PSMD1: variants seen among roughly 807,000 people sequenced by gnomAD.
The protein encoded by PSMD1 is 26S proteasome non-ATPase regulatory subunit 1.
A neutral mutation model predicts 119.0 loss-of-function variants in PSMD1; 18 were observed. The ratio of observed to expected loss-of-function variants is 0.15; its 90% confidence interval spans 0.10 to 0.22. The LOEUF (loss-of-function observed/expected upper bound fraction) is 0.22, where lower values mean the gene tolerates loss of function less well. Ranked by LOEUF, PSMD1 falls within the 10% of genes least tolerant of loss-of-function variation. The probability of loss-of-function intolerance (pLI) is 1.00; values close to 1 mark genes in which losing one functional copy is unlikely to be tolerated. For synonymous variants in PSMD1, 374 were observed against 396.6 expected (o/e 0.94, Z 0.68); for missense variants, 702 against 1,158.5 (o/e 0.61, Z 5.72).
At chr2:231,084,983 A>G (rs1466287609) in intron 14 of PSMD1, 36 bp from the exon 15 acceptor site, 1 of 1,542,916 alleles carries the variant, frequency 6.5e-7, no homozygotes, top group African/African-American at 1.4e-5. Context: ...ACTGTTTGAA[A>G]TAAGTTGATG....
intron 16 of PSMD1, chr2:231,114,016 C>A: frequency 9.5e-7 from 1 of 1,047,876 alleles, no homozygotes; most frequent in South Asian, 1.3e-5. Flanking sequence ...CATCTTTTGT[C>A]TTTTTTGTTA....
chr2:231,078,798 T>TC, intron 10 of PSMD1, 51 bp downstream of exon 10: 2 of 1,313,588 alleles, frequency 1.5e-6, no homozygotes, highest in Non-Finnish European at 2.1e-6. Flanking sequence ...TTTCTTTTTT[T>TC]TTTTTTTTTT....
intron 10 of PSMD1, 83 bp from the exon 11 acceptor site, chr2:231,079,453 A>G: frequency 1.1e-6 from 1 of 875,324 alleles, no homozygotes; most frequent in Non-Finnish European, 1.7e-6. Flanking sequence ...GTAAAATTTT[A>G]ATGCTTTTAA....
chr2:231,139,336 T>TC (rs1696049054), intron 17 of PSMD1, among the ~76,000 whole-genome samples: 1 of 134,694 alleles, frequency 7.4e-6, no homozygotes, highest in African/African-American at 2.9e-5. Flanking sequence ...TTTTTTTTTT[T>TC]TCTTTTGAGT....
chr2:231,100,181 C>T (rs1354694177), intron 16 of PSMD1, among the ~76,000 whole-genome samples: 1 of 152,082 alleles, frequency 6.6e-6, no homozygotes, highest in African/African-American at 2.4e-5. Flanking sequence ...TATAAAGTTT[C>T]GATGCTACAA....
chr2:231,146,156 C>A, intron 17 of PSMD1, 84 bp from the exon 18 acceptor site: 1 of 890,970 alleles, frequency 1.1e-6, no homozygotes, highest in Non-Finnish European at 1.9e-6. Context: ...CCCAGAATGT[C>A]GTTACATGGC....
chr2:231,123,474 C>G (rs750428024), intron 16 of PSMD1: 1 of 1,614,054 alleles, frequency 6.2e-7, no homozygotes. Context: ...AATCAGCCAC[C>G]GCCAAGGACA....
Position 231,093,719 on chromosome 2 carries a change from A to G in PSMD1, c.1883+6538A>G, listed in dbSNP as rs113352782. On this transcript the variant is annotated intron_variant, in intron 16 of 24. Transcript: ENST00000308696. ...TCTAAATTTTAAAAATTAAGGGTAA[A>G]TAAGGCTTGTGCCAGTAGTGTTGCC... 2.7e-3 allele frequency among the ~76,000 whole-genome samples: 416 copies of G among 152,330 alleles called. 1 individual carries two copies. Among genetic ancestry groups the G allele is most frequent in the African/African-American group, 9.5e-3 (397 of 41,580 alleles).
At chr2:231,090,724 C>T (rs1292104689) in intron 16 of PSMD1, among the ~76,000 whole-genome samples, 2 of 152,266 alleles carry the variant, frequency 1.3e-5, no homozygotes, top group East Asian at 3.9e-4. Flanking sequence ...ACATTAGCAG[C>T]AGTCTAGAAG....
rs1200246738 is a variant in PSMD1, at chr2:231,138,589, CTA to C, written c.1884-145_1884-144del. On this transcript the variant is annotated intron_variant, in intron 16 of 24. Coordinates refer to ENST00000308696, the MANE Select transcript of PSMD1 (RefSeq NM_002807.4). Reference sequence around the variant, plus strand: ...ATTTCTTCTATCAATAATTAGAACTCTATGAAAGATTTTTAATTCTGCAATTT... The same window carrying C: ...ATTTCTTCTATCAATAATTAGAACTCTGAAAGATTTTTAATTCTGCAATTT... The C allele has an allele frequency of 3.5e-5, 21 of 606,776 alleles. No individual in the cohort carries two copies. In the East Asian group the frequency reaches 3.7e-4, roughly 11 times the overall value. The allele number at this position is 606,776 out of a possible 1,614,324, so 37.6% of individuals were successfully genotyped here. A position where few individuals can be genotyped will look rare whatever the true frequency, so the allele number is the denominator to read the frequency against.
Position 231,130,078 on chromosome 2 carries a change from CCT to C in PSMD1, c.1884-8657_1884-8656del. On this transcript the variant is annotated intron_variant, in intron 16 of 24. Coordinates refer to ENST00000308696, the MANE Select transcript of PSMD1 (RefSeq NM_002807.4). ...GTGTTGGCCAGGCTGGTCTCAAACT[CCT>C]GACCTCAGGTGAGCCACCACACCCG... is the stretch of plus-strand genomic sequence containing the variant. Among the ~76,000 whole-genome samples, 3 of 152,206 alleles carry C rather than the reference CCT, an allele frequency of 2.0e-5. No homozygotes were observed. The East Asian group carries it at 5.8e-4, about 29-fold the overall frequency.
intron 16 of PSMD1, among the ~76,000 whole-genome samples, chr2:231,136,817 A>T (rs1014880407): frequency 6.6e-6 from 1 of 151,502 alleles, no homozygotes; most frequent in African/African-American, 2.4e-5. Context: ...AAGTCACTTT[A>T]TGTCTGCATT....
At chr2:231,164,259 G>A (rs1696706010) in intron 21 of PSMD1, among the ~76,000 whole-genome samples, 1 of 152,090 alleles carries the variant, frequency 6.6e-6, no homozygotes, top group South Asian at 2.1e-4. Context: ...TAGAATCCTG[G>A]ATGTCAGGTT....
intron 18 of PSMD1, among the ~76,000 whole-genome samples, chr2:231,147,889 A>T (rs1182185719): frequency 6.6e-6 from 1 of 152,134 alleles, no homozygotes; most frequent in Non-Finnish European, 1.5e-5. Flanking sequence ...AGAAAAGAAA[A>T]ATTTCCGGAA....
chr2:231,135,695 A>G (rs751127100), intron 16 of PSMD1, among the ~76,000 whole-genome samples: 68 of 152,308 alleles, frequency 4.5e-4, no homozygotes, highest in Middle Eastern at 3.4e-3. Flanking sequence ...CTAATGTCAC[A>G]TAACTAACAA....
chr2:231,155,970 A>T (rs1428916051), intron 19 of PSMD1, among the ~76,000 whole-genome samples: 1 of 152,056 alleles, frequency 6.6e-6, no homozygotes, highest in Non-Finnish European at 1.5e-5. Context: ...CTCACTCTTC[A>T]CTACCTTCCA....
At position 231,165,735 on chromosome 2, in the gene PSMD1, C is replaced by T. The variant is rs1348863303; in HGVS notation, c.2569-136C>T. 6 of 694,764 alleles carry T rather than the reference C, an allele frequency of 8.6e-6. No homozygotes were observed. The Admixed American group carries it at 1.2e-4, about 14-fold the overall frequency. The allele number at this position is 694,764 out of a possible 1,614,324, so 43.0% of individuals were successfully genotyped here. A position where few individuals can be genotyped will look rare whatever the true frequency, so the allele number is the denominator to read the frequency against. On this transcript the variant is annotated intron_variant, in intron 22 of 24. Coordinates refer to ENST00000308696, the MANE Select transcript of PSMD1 (RefSeq NM_002807.4). Reference sequence around the variant, plus strand: ...CTTTTCCCTCCTCTGAGTCTGATAGCACTTTAGTTGTACTTCCATTACTAC... The same window carrying T: ...CTTTTCCCTCCTCTGAGTCTGATAGTACTTTAGTTGTACTTCCATTACTAC...
intron 16 of PSMD1, among the ~76,000 whole-genome samples, chr2:231,109,936 A>G (rs1158657640): frequency 6.6e-6 from 1 of 152,198 alleles, no homozygotes; most frequent in Non-Finnish European, 1.5e-5. Context: ...CTTCTTAGGG[A>G]AAACTAAAGT....
chr2:231,112,250 T>C (rs1010609875), intron 16 of PSMD1, among the ~76,000 whole-genome samples: 6 of 152,230 alleles, frequency 3.9e-5, no homozygotes, highest in Non-Finnish European at 8.8e-5. Context: ...ATAGTTTTCC[T>C]CCTCTGCACT....
Sources: allele counts gnomAD v4.1 joint callset (sites outside exome capture counted in the v4.1 genomes callset), GRCh38; gene constraint gnomAD v4.1.1; transcripts MANE v1.5; gene names NCBI Gene and HGNC (gene_info 2026-07-23, HGNC 2026-07-21).